The following OCA2 variants were observed in gnomAD, a reference collection of about 807,000 sequenced individuals.
The protein encoded by OCA2 is OCA2 melanosomal transmembrane protein, also known as P protein.
A neutral mutation model predicts 100.2 loss-of-function variants in OCA2; 77 were observed. The observed-to-expected ratio is 0.77, with a 90% CI of 0.64 to 0.93. The LOEUF is 0.93. Among genes scored for constraint, OCA2 ranks in the 40% least tolerant of loss-of-function variants. The pLI, the probability that OCA2 is intolerant of heterozygous loss-of-function variation, is 0.00. For missense variants in OCA2, 1,062 were observed against 1,089.1 expected (o/e 0.98, Z 0.35); for synonymous variants, 432 against 439.2 (o/e 0.98, Z 0.21).
intron 23 of OCA2, among the ~76,000 whole-genome samples, chr15:27,833,742 G>A (rs933292194): frequency 1.3e-5 from 2 of 152,072 alleles, no homozygotes; most frequent in African/African-American, 2.4e-5. Flanking sequence ...CCCCTTAGAC[G>A]ACTCTATAGC....
At position 27,770,913 on chromosome 15, in the gene OCA2, TCC is replaced by T. The variant is rs1273411262; in HGVS notation, c.2433-15443_2433-15442del. 8.4e-3 allele frequency among the ~76,000 whole-genome samples: 251 copies of T among 29,764 alleles called. 14 individuals are homozygous for T. The highest frequency in any genetic ancestry group is 0.029 in the African/African-American group (236 of 8,174). The allele number at this position is 29,764 out of a possible 152,430, so 19.5% of individuals were successfully genotyped here. On this transcript the variant is annotated intron_variant, in intron 23 of 23. Transcript: ENST00000354638. ...TCCCATCTCCTTTTCCTTCCTTCCC[TCC>T]TCCCTCCCTCTTTTCCTTTCTTCCT...
intron 23 of OCA2, among the ~76,000 whole-genome samples, chr15:27,824,855 G>A (rs1015318668): frequency 4.6e-5 from 7 of 151,708 alleles, no homozygotes; most frequent in African/African-American, 1.5e-4. Flanking sequence ...AGGCCTCCGT[G>A]GATGCCAACA....
intron 2 of OCA2, among the ~76,000 whole-genome samples, chr15:28,054,903 T>G (rs1168860195): frequency 1.3e-5 from 2 of 152,076 alleles, no homozygotes; most frequent in African/African-American, 2.4e-5. Context: ...GAGAGAAGAA[T>G]GAGAGCAGAG....
At chr15:28,030,028 A>C (rs2042867769) in intron 3 of OCA2, among the ~76,000 whole-genome samples, 1 of 152,248 alleles carries the variant, frequency 6.6e-6, no homozygotes, top group Non-Finnish European at 1.5e-5. Flanking sequence ...AAGTTCTAAA[A>C]TGTCACAGGC....
intron 14 of OCA2, among the ~76,000 whole-genome samples, chr15:27,970,597 C>T (rs1259717269): frequency 6.6e-6 from 1 of 151,314 alleles, no homozygotes; most frequent in African/African-American, 2.4e-5. Flanking sequence ...CCAGCATGCA[C>T]AGTATGGCAG....
intron 20 of OCA2, 55 bp from the exon 21 acceptor site, chr15:27,871,313 A>C: frequency 1.4e-6 from 2 of 1,383,934 alleles, no homozygotes; most frequent in East Asian, 2.3e-5. Context: ...TTAGGGTCAG[A>C]CCCACCAGCC....
intron 23 of OCA2, among the ~76,000 whole-genome samples, chr15:27,771,605 TCC>T (rs944437100): frequency 2.4e-4 from 36 of 152,166 alleles, no homozygotes; most frequent in African/African-American, 8.2e-4. Flanking sequence ...GCGTGGGAGA[TCC>T]CAAAGACAGT....
intron 23 of OCA2, among the ~76,000 whole-genome samples, chr15:27,815,719 G>A (rs968815045): frequency 2.6e-5 from 4 of 152,186 alleles, no homozygotes; most frequent in African/African-American, 9.7e-5. Context: ...GGGAGAGTCA[G>A]GTGAATGCTG....
At chr15:27,860,747 A>T (rs531969953) in intron 21 of OCA2, among the ~76,000 whole-genome samples, 1 of 152,240 alleles carries the variant, frequency 6.6e-6, no homozygotes, top group Non-Finnish European at 1.5e-5. Flanking sequence ...TGTGAGTAGC[A>T]TAGTGATGGA....
chr15:27,918,128 C>T (rs1392712745), intron 19 of OCA2, among the ~76,000 whole-genome samples: 1 of 131,278 alleles, frequency 7.6e-6, no homozygotes, highest in Admixed American at 8.8e-5. Flanking sequence ...GAGTCTCACT[C>T]TGTCACCTAG....
chr15:27,767,533 A>T (rs928361234), intron 23 of OCA2, among the ~76,000 whole-genome samples: 2 of 151,830 alleles, frequency 1.3e-5, no homozygotes, highest in African/African-American at 4.9e-5. Context: ...AAGGATTGTA[A>T]ATGCACCAAT....
chr15:27,748,500 T>C, the OCA2 span, among the ~76,000 whole-genome samples: 7 of 152,130 alleles, frequency 4.6e-5, no homozygotes, highest in Admixed American at 6.5e-5. Context: ...TAGACAGTCA[T>C]TGGAGCCGCA....
Position 28,025,036 on chromosome 15 carries a change from G to C in OCA2, c.516-134C>G, listed in dbSNP as rs573112003. The C allele has an allele frequency of 7.3e-6, 6 of 821,996 alleles. No homozygotes were observed. In the African/African-American group the frequency reaches 1.0e-4, roughly 14 times the overall value. The allele number at this position is 821,996 out of a possible 1,614,324, so 50.9% of individuals were successfully genotyped here. On this transcript the variant is annotated intron_variant, in intron 4 of 23. Transcript: ENST00000354638. ...GAATTCTTTCCATAACATGATATGA[G>C]GGAGAACACCCTCATATCAGTGACC...
intron 19 of OCA2, among the ~76,000 whole-genome samples, chr15:27,880,000 C>T (rs950527569): frequency 3.9e-5 from 6 of 152,156 alleles, no homozygotes; most frequent in Admixed American, 1.3e-4. Flanking sequence ...ATATTTAAGT[C>T]TTTAATCCAT....
chr15:27,995,329 A>G (rs1373071274), intron 9 of OCA2, among the ~76,000 whole-genome samples: 2 of 152,158 alleles, frequency 1.3e-5, no homozygotes, highest in African/African-American at 2.4e-5. Context: ...GCACACACAA[A>G]AAAGTCTTCA....
At chr15:27,723,734 C>T in the OCA2 span, among the ~76,000 whole-genome samples, 1 of 152,144 alleles carries the variant, frequency 6.6e-6, no homozygotes, top group African/African-American at 2.4e-5. Flanking sequence ...CCTGTCACAG[C>T]GACTAAACCT....
chr15:28,069,276 TACA>T (rs1328424610), intron 2 of OCA2, among the ~76,000 whole-genome samples: 1 of 151,330 alleles, frequency 6.6e-6, no homozygotes, highest in African/African-American at 2.4e-5. Flanking sequence ...AGCATTTCTA[TACA>T]ACAATAAAGT....
chr15:27,727,307 G>A, the OCA2 span, among the ~76,000 whole-genome samples: 1 of 152,202 alleles, frequency 6.6e-6, no homozygotes, highest in Non-Finnish European at 1.5e-5. Context: ...GCCTCACAGG[G>A]CAGCAACAGT....
intron 23 of OCA2, among the ~76,000 whole-genome samples, chr15:27,834,282 G>A (rs188760984): frequency 1.2e-4 from 19 of 152,294 alleles, no homozygotes; most frequent in Admixed American, 1.2e-3. Flanking sequence ...CTCCATGTTG[G>A]TGAACGAATT....
Sources: allele counts gnomAD v4.1 joint callset (sites outside exome capture counted in the v4.1 genomes callset), GRCh38; gene constraint gnomAD v4.1.1; transcripts MANE v1.5; gene names NCBI Gene and HGNC (gene_info 2026-07-23, HGNC 2026-07-21).